Variants in LRRC4C observed in about 807,000 individuals in gnomAD.
The protein encoded by LRRC4C is leucine-rich repeat-containing protein 4C.
In LRRC4C, 5 loss-of-function variants were observed where a neutral mutation model predicts 33.6. The ratio of observed to expected loss-of-function variants is 0.15; its 90% confidence interval spans 0.08 to 0.31. LRRC4C has a LOEUF of 0.31. Ranked by LOEUF, LRRC4C falls within the 10% of genes least tolerant of loss-of-function variation. The probability of loss-of-function intolerance (pLI) is 1.00; values close to 1 mark genes in which losing one functional copy is unlikely to be tolerated. For synonymous variants in LRRC4C, 329 were observed against 302.0 expected (o/e 1.09, Z -0.93); for missense variants, 560 against 796.7 (o/e 0.70, Z 3.58).
At chr11:40,665,368 ATATATATATATATATATAT>A (rs1565615353) in intron 2 of LRRC4C, among the ~76,000 whole-genome samples, 11 of 44,354 alleles carry the variant, frequency 2.5e-4, no homozygotes, top group African/African-American at 6.2e-4. Flanking sequence ...ATATATGTAT[ATATATATATATATATATAT>A]TATTAGGGGT....
intron 2 of LRRC4C, among the ~76,000 whole-genome samples, chr11:40,877,545 T>C (rs1391208440): frequency 2.0e-5 from 3 of 152,168 alleles, no homozygotes; most frequent in Admixed American, 6.5e-5. Context: ...GTTATGGTGC[T>C]AGCCAAAAGG....
intron 4 of LRRC4C, among the ~76,000 whole-genome samples, chr11:40,249,920 T>C (rs1866647677): frequency 6.6e-6 from 1 of 152,202 alleles, no homozygotes; most frequent in Non-Finnish European, 1.5e-5. Flanking sequence ...GAATAAAGTA[T>C]AAAAGACAAT....
chr11:40,501,513 G>A (rs762424390), intron 3 of LRRC4C, among the ~76,000 whole-genome samples: 1 of 152,186 alleles, frequency 6.6e-6, no homozygotes, highest in Non-Finnish European at 1.5e-5. Flanking sequence ...CTCAATTCAT[G>A]ACTTCTGTGC....
intron 1 of LRRC4C, among the ~76,000 whole-genome samples, chr11:41,399,645 T>C (rs528620101): frequency 1.1e-4 from 16 of 152,004 alleles, no homozygotes; most frequent in Non-Finnish European, 1.8e-4. Context: ...TATTGTTTAT[T>C]GGGCCACAAG....
chr11:40,262,659 G>GGATGA (rs1047177910), intron 4 of LRRC4C, among the ~76,000 whole-genome samples: 4 of 152,232 alleles, frequency 2.6e-5, no homozygotes, highest in Admixed American at 2.6e-4. Context: ...GCCATAAAAA[G>GGATGA]GATGAGTTCA....
chr11:40,218,648 A>ATCTATCTATCTG (rs1864164456), intron 5 of LRRC4C, among the ~76,000 whole-genome samples: 1 of 148,782 alleles, frequency 6.7e-6, no homozygotes, highest in African/African-American at 2.5e-5. Flanking sequence ...CTATTTATCT[A>ATCTATCTATCTG]TCTATCATCT....
intron 3 of LRRC4C, among the ~76,000 whole-genome samples, chr11:40,404,608 T>G (rs547417243): frequency 3.9e-5 from 6 of 152,040 alleles, no homozygotes; most frequent in Non-Finnish European, 8.8e-5. Context: ...CCACTTTTTC[T>G]TTTTTGCAAG....
At chr11:40,334,216 G>A (rs1946494402) in intron 3 of LRRC4C, among the ~76,000 whole-genome samples, 1 of 151,918 alleles carries the variant, frequency 6.6e-6, no homozygotes, top group African/African-American at 2.4e-5. Context: ...TCTTAAGACT[G>A]TTACATGATT....
intron 2 of LRRC4C, among the ~76,000 whole-genome samples, chr11:40,752,419 C>T (rs968555120): frequency 6.6e-6 from 1 of 151,934 alleles, no homozygotes; most frequent in African/African-American, 2.4e-5. Context: ...AACAAATCAT[C>T]ACACTAAAAA....
intron 3 of LRRC4C, among the ~76,000 whole-genome samples, chr11:40,627,865 T>C (rs1322918563): frequency 2.0e-5 from 3 of 152,180 alleles, no homozygotes; most frequent in East Asian, 1.9e-4. Context: ...CTCTGTTTCA[T>C]GTCAGATAAG....
chr11:40,757,327 ATAT>A (rs1949002557), intron 2 of LRRC4C, among the ~76,000 whole-genome samples: 1 of 151,986 alleles, frequency 6.6e-6, no homozygotes, highest in Non-Finnish European at 1.5e-5. Flanking sequence ...GGCCTATGTT[ATAT>A]TATCCTTATT....
At chr11:40,922,620 T>C (rs1957228189) in intron 2 of LRRC4C, among the ~76,000 whole-genome samples, 1 of 152,182 alleles carries the variant, frequency 6.6e-6, no homozygotes, top group African/African-American at 2.4e-5. Context: ...TCTGACTAGT[T>C]TTCTATGCTT....
chr11:40,267,513 G>A (rs77193512), intron 4 of LRRC4C, among the ~76,000 whole-genome samples: 28,938 of 151,856 alleles, frequency 0.19, 3,054 homozygotes, highest in South Asian at 0.33. Flanking sequence ...CACCACACCC[G>A]GCTAATTTTT....
At chr11:40,479,598 T>C (rs1953435513) in intron 3 of LRRC4C, among the ~76,000 whole-genome samples, 1 of 152,220 alleles carries the variant, frequency 6.6e-6, no homozygotes, top group South Asian at 2.1e-4. Context: ...CTGGATCAGG[T>C]TAAGCTGCCG....
chr11:41,093,532 G>T (rs1565376935), intron 1 of LRRC4C, among the ~76,000 whole-genome samples: 1 of 151,946 alleles, frequency 6.6e-6, no homozygotes, highest in Non-Finnish European at 1.5e-5. Context: ...TATACTATTT[G>T]CTCTTTATTC....
intron 2 of LRRC4C, among the ~76,000 whole-genome samples, chr11:40,808,712 T>C (rs996366159): frequency 6.6e-6 from 1 of 152,106 alleles, no homozygotes; most frequent in African/African-American, 2.4e-5. Context: ...TCCTTTCACT[T>C]TTTAAATAGC....
chr11:41,334,099 C>T (rs577001470), intron 1 of LRRC4C, among the ~76,000 whole-genome samples: 5 of 152,248 alleles, frequency 3.3e-5, no homozygotes, highest in African/African-American at 9.6e-5. Flanking sequence ...AGAAGGTTAT[C>T]GTAAGAGGCG....
chr11:41,327,922 C>T (rs1951172856), intron 1 of LRRC4C, among the ~76,000 whole-genome samples: 1 of 152,092 alleles, frequency 6.6e-6, no homozygotes, highest in South Asian at 2.1e-4. Context: ...ACCTCTTTTC[C>T]TTTATAAATT....
Position 40,911,028 on chromosome 11 carries a change from T to C in LRRC4C, c.-407+22607A>G, listed in dbSNP as rs376367814. ...GCGCCTGCCATTGCCGAGACTTGAG[T>C]AGGTAAACAAAGCTGCTGGGAAGCT... On this transcript the variant is annotated intron_variant, in intron 2 of 6. Coordinates refer to ENST00000528697, the MANE Select transcript of LRRC4C (RefSeq NM_001258419.2). Among the ~76,000 whole-genome samples, 20 of 152,100 alleles carry C rather than the reference T, an allele frequency of 1.3e-4. No individual in the cohort carries two copies. In the East Asian group the frequency reaches 2.3e-3, roughly 18 times the overall value.
Sources: allele counts gnomAD v4.1 joint callset (sites outside exome capture counted in the v4.1 genomes callset), GRCh38; gene constraint gnomAD v4.1.1; transcripts MANE v1.5; gene names NCBI Gene and HGNC (gene_info 2026-07-23, HGNC 2026-07-21).